The following LRPPRC variants were observed in gnomAD, a reference collection of about 807,000 sequenced individuals.
The protein encoded by LRPPRC is leucine-rich PPR motif-containing protein, mitochondrial.
A neutral mutation model predicts 180.3 loss-of-function variants in LRPPRC; 120 were observed. The ratio of observed to expected loss-of-function variants is 0.67; its 90% CI spans 0.57 to 0.77. LRPPRC has a LOEUF of 0.77. Ranked by LOEUF, LRPPRC falls within the 30% of genes least tolerant of loss-of-function variation. The pLI is 0.00. For missense variants in LRPPRC, 2,012 were observed against 1,657.2 expected, an observed-to-expected ratio of 1.21 and a Z score of -3.72; for synonymous variants, 723 against 600.0, an observed-to-expected ratio of 1.21 and a Z score of -3.00.
intron 27 of LRPPRC, 57 bp from the exon 28 acceptor site, chr2:43,918,455 A>G: frequency 4.9e-6 from 6 of 1,232,532 alleles, no homozygotes; most frequent in Non-Finnish European, 7.1e-6. Context: ...AGAATACACA[A>G]AAATATTTAG....
At chr2:43,989,842 C>T (rs1318985057) in intron 1 of LRPPRC, among the ~76,000 whole-genome samples, 1 of 152,188 alleles carries the variant, frequency 6.6e-6, no homozygotes, top group Admixed American at 6.5e-5. Flanking sequence ...ATACTTCTAA[C>T]CCTGTTTCCT....
chr2:43,943,700 C>T lies in LRPPRC; in HGVS notation c.2491G>A (p.Val831Ile). The change falls in exon 23 of 38, where the codon GTA becomes ATA. Residue 831 changes from valine (V) to isoleucine (I), a missense_variant. By Grantham distance (29) the Val-to-Ile change is conservative. Coordinates refer to ENST00000260665, the MANE Select transcript of LRPPRC (RefSeq NM_133259.4). ...STNISFPLVTVHLEKGDLSTA... is the reference protein window; with the variant it reads ...STNISFPLVTIHLEKGDLSTA... ...CAATTAACTTACTTTTCCAAGTGTA[C>T]AGTGACCAATGGGAAACTTATGTTG... The T allele has an allele frequency of 6.2e-7, 1 of 1,612,428 alleles. No individual in the cohort carries two copies. Among genetic ancestry groups the T allele is most frequent in the East Asian group, 2.2e-5 (1 of 44,872 alleles).
chr2:43,971,522 A>G (rs756618004), intron 11 of LRPPRC, among the ~76,000 whole-genome samples: 1 of 139,550 alleles, frequency 7.2e-6, no homozygotes, highest in African/African-American at 2.6e-5. Context: ...ATATATATAT[A>G]TGTTTTTTAA....
chr2:43,989,932 G>C (rs1478655594), intron 1 of LRPPRC, among the ~76,000 whole-genome samples: 1 of 152,170 alleles, frequency 6.6e-6, no homozygotes, highest in African/African-American at 2.4e-5. Flanking sequence ...ATAAACATCA[G>C]GCCAGGTGCG....
chr2:43,956,655 C>T (rs147230604), intron 14 of LRPPRC, among the ~76,000 whole-genome samples: 47 of 152,142 alleles, frequency 3.1e-4, no homozygotes, highest in African/African-American at 9.9e-4. Flanking sequence ...TTTGGGAGGC[C>T]GAGGCAGGTG....
chr2:43,915,680 A>G (rs974095473), intron 29 of LRPPRC, among the ~76,000 whole-genome samples: 3 of 152,220 alleles, frequency 2.0e-5, no homozygotes, highest in African/African-American at 7.2e-5. Context: ...CTCCTTCTCA[A>G]AAGAAAATGA....
In LRPPRC at chr2:43,974,727, T is replaced by A. The variant is rs1673973857; in HGVS notation, c.896A>T (p.His299Leu). 1 of 1,613,676 alleles carries A rather than the reference T, an allele frequency of 6.2e-7. No individual in the cohort carries two copies. The highest frequency in any genetic ancestry group is 8.5e-7 in the Non-Finnish European group (1 of 1,179,672). Residue 299 changes from histidine (H) to leucine (L), a missense_variant, in exon 8 of 38, where the codon CAC becomes CTC. By Grantham distance (99) the His-to-Leu change is moderately conservative (BLOSUM62 -3). Coordinates refer to ENST00000260665, the MANE Select transcript of LRPPRC (RefSeq NM_133259.4). ...TLEKVEKSEL[H>L]LMDRDLLQII... ...TTGCAGTAAATCACGGTCCATAAGG[T>A]GAAGCTCGGACTTCTCCACCTTCTC...
chr2:43,924,542 G>A (rs1572926325), intron 27 of LRPPRC, among the ~76,000 whole-genome samples: 1 of 152,128 alleles, frequency 6.6e-6, no homozygotes, highest in Admixed American at 6.5e-5. Flanking sequence ...TATCTATGTA[G>A]TATATAAGTT....
At position 43,935,917 on chromosome 2, in the gene LRPPRC, C is replaced by G. The variant is rs922640527; in HGVS notation, c.2505-1039G>C. Among the ~76,000 whole-genome samples, 7 of 152,150 alleles carry G rather than the reference C, an allele frequency of 4.6e-5. 1 individual carries two copies. The South Asian group carries it at 1.5e-3, about 32-fold the overall frequency. The stretch of plus-strand genomic sequence containing the variant: ...CACCTGAGGTGGAGAAACCCCATCT[C>G]TATTAAAAATATAAAATTAGCCGGG... On this transcript the variant is annotated intron_variant, in intron 23 of 37. Transcript: ENST00000260665.
chr2:43,896,790 T>A, intron 34 of LRPPRC, 82 bp from the exon 35 acceptor site: 1 of 850,410 alleles, frequency 1.2e-6, no homozygotes, highest in Non-Finnish European at 2.0e-6. Context: ...TTAAGAAAGT[T>A]CACAATAATA....
chr2:43,894,214 G>A (rs1670599754), intron 36 of LRPPRC, among the ~76,000 whole-genome samples: 1 of 152,132 alleles, frequency 6.6e-6, no homozygotes, highest in African/African-American at 2.4e-5. Context: ...TGGGGAGACT[G>A]AACTGGTTTC....
chr2:43,925,825 T>C (rs1671856709), intron 26 of LRPPRC, 68 bp downstream of exon 26: 2 of 993,932 alleles, frequency 2.0e-6, no homozygotes, highest in Admixed American at 1.7e-5. Context: ...AATCTTCATG[T>C]GATACAGAGG....
chr2:43,896,655 C>T lies in LRPPRC; in HGVS notation c.3879G>A (p.Arg1293=). ...GTACCTTTCCTTGTTTCCTAGAATT[C>T]CTAAGGAGGAACAACAACAAAATCG... ...QTPILLLFLL[R]NSRKQGKAST... is the part of the protein sequence containing the mutation. Residue 1293 remains arginine (R), a synonymous_variant, in exon 35 of 38, where the codon AGG becomes AGA. Coordinates refer to ENST00000260665, the MANE Select transcript of LRPPRC (RefSeq NM_133259.4). 1 of 1,610,972 alleles carries T rather than the reference C, an allele frequency of 6.2e-7. No homozygotes were observed. Among genetic ancestry groups the T allele is most frequent in the Non-Finnish European group, 8.5e-7 (1 of 1,177,314 alleles).
At chr2:43,953,684 A>G (rs2103635681) in intron 14 of LRPPRC, among the ~76,000 whole-genome samples, 1 of 152,370 alleles carries the variant, frequency 6.6e-6, no homozygotes, top group Admixed American at 6.5e-5. Context: ...TGGTTTAAAG[A>G]TAAGGTAATC....
chr2:43,919,141 G>A (rs777104177), intron 27 of LRPPRC, among the ~76,000 whole-genome samples: 2 of 152,122 alleles, frequency 1.3e-5, no homozygotes, highest in East Asian at 3.9e-4. Context: ...CAACTCTATT[G>A]TGAACTGCGC....
chr2:43,913,095 T>A (rs1671322209), intron 29 of LRPPRC, among the ~76,000 whole-genome samples: 1 of 152,192 alleles, frequency 6.6e-6, no homozygotes, highest in Admixed American at 6.5e-5. Flanking sequence ...ATTATTTGGC[T>A]ACGACAGGAC....
At chr2:43,927,883 G>T (rs1259091664) in intron 25 of LRPPRC, among the ~76,000 whole-genome samples, 2 of 152,112 alleles carry the variant, frequency 1.3e-5, no homozygotes, top group Non-Finnish European at 2.9e-5. Context: ...AATCTCCTAG[G>T]CTGCTGTAAT....
At chr2:43,914,839 T>C (rs1027352279) in intron 29 of LRPPRC, among the ~76,000 whole-genome samples, 1 of 152,162 alleles carries the variant, frequency 6.6e-6, no homozygotes, top group East Asian at 1.9e-4. Flanking sequence ...TATTTAATTA[T>C]TTAACTACTT....
chr2:43,985,320 AATG>A (rs1346084802), intron 1 of LRPPRC, among the ~76,000 whole-genome samples: 1 of 152,214 alleles, frequency 6.6e-6, no homozygotes, highest in Non-Finnish European at 1.5e-5. Context: ...CTTTGTTACA[AATG>A]ATGAACCAAT....
Sources: allele counts gnomAD v4.1 joint callset (sites outside exome capture counted in the v4.1 genomes callset), GRCh38; gene constraint gnomAD v4.1.1; transcripts MANE v1.5; gene names NCBI Gene and HGNC (gene_info 2026-07-23, HGNC 2026-07-21).